Variants in RELN observed in about 807,000 individuals in gnomAD.
RELN encodes reelin.
A neutral mutation model predicts 427.6 loss-of-function variants in RELN; 108 were observed. The observed-to-expected ratio is 0.25, with a 90% confidence interval of 0.22 to 0.30. RELN has a LOEUF of 0.30. Among genes scored for constraint, RELN ranks in the 10% least tolerant of loss-of-function variants. The pLI is 1.00. For missense variants in RELN, 3,715 were observed against 4,302.8 expected, an observed-to-expected ratio of 0.86 and a Z score of 3.82; for synonymous variants, 1,524 against 1,513.4, an observed-to-expected ratio of 1.01 and a Z score of -0.16.
chr7:103,901,436 A>C (rs3898842), intron 2 of RELN, among the ~76,000 whole-genome samples: 52,989 of 151,840 alleles, frequency 0.35, 9,702 homozygotes, highest in East Asian at 0.67. Flanking sequence ...AGATGTTCAC[A>C]CAAAAACTTG....
At chr7:103,755,614 A>T (rs9719488) in intron 4 of RELN, among the ~76,000 whole-genome samples, 79,303 of 139,804 alleles carry the variant, frequency 0.57, 22,835 homozygotes, top group Non-Finnish European at 0.6. Context: ...TCTCAAAAAA[A>T]AAATAAAAAA....
At chr7:103,614,606 C>G (rs1296999640) in intron 20 of RELN, among the ~76,000 whole-genome samples, 1 of 149,914 alleles carries the variant, frequency 6.7e-6, no homozygotes, top group Non-Finnish European at 1.5e-5. Context: ...AGCCTGGGTC[C>G]CCAGTGTCCT....
At chr7:103,886,755 A>G (rs1253757877) in intron 2 of RELN, among the ~76,000 whole-genome samples, 2 of 152,202 alleles carry the variant, frequency 1.3e-5, no homozygotes, top group East Asian at 1.9e-4. Flanking sequence ...CAGCCAATGT[A>G]AGAATGTATC....
chr7:103,516,286 CT>C (rs3051646), intron 49 of RELN, among the ~76,000 whole-genome samples: 182 of 141,100 alleles, frequency 1.3e-3, no homozygotes, highest in Non-Finnish European at 1.4e-3. Context: ...CACAAAGTAT[CT>C]TTTTTTTTTT....
At chr7:103,699,033 A>G (rs2115786829) in intron 9 of RELN, among the ~76,000 whole-genome samples, 1 of 152,294 alleles carries the variant, frequency 6.6e-6, no homozygotes, top group Admixed American at 6.5e-5. Flanking sequence ...AACATGATAT[A>G]ACATGATTTT....
chr7:103,734,490 T>C (rs955598210), intron 6 of RELN, among the ~76,000 whole-genome samples: 1 of 152,190 alleles, frequency 6.6e-6, no homozygotes, highest in Non-Finnish European at 1.5e-5. Context: ...ATGAACAATA[T>C]GATTAAAAGA....
intron 48 of RELN, among the ~76,000 whole-genome samples, chr7:103,520,542 C>T (rs1240124041): frequency 6.6e-6 from 1 of 152,102 alleles, no homozygotes; most frequent in Non-Finnish European, 1.5e-5. Flanking sequence ...TCCCAAAGTG[C>T]TGGGATTACA....
rs947175662 is a variant in RELN, at chr7:103,603,595, T to C, written c.3147-105A>G. On this transcript the variant is annotated intron_variant, in intron 23 of 64. Coordinates refer to ENST00000428762, the MANE Select transcript of RELN (RefSeq NM_005045.4). This position sits in a 1 kb window ranked among gnomAD's most constrained non-coding sequence, Gnocchi z 4.3. Reference sequence around the variant, plus strand: ...ATGTCTTACTTTTGCTCAGGTCTTATCATTCACACTAGATTCTTCCCTACA... The same window carrying C: ...ATGTCTTACTTTTGCTCAGGTCTTACCATTCACACTAGATTCTTCCCTACA... 3.5e-6 allele frequency: 3 copies of C among 856,162 alleles called. No homozygotes were observed. The Admixed American group carries it at 5.6e-5, about 16-fold the overall frequency. The allele number at this position is 856,162 out of a possible 1,614,324, so 53.0% of individuals were successfully genotyped here.
chr7:103,615,726 CTGTGT>C (rs1169210715), intron 20 of RELN, among the ~76,000 whole-genome samples: 1 of 152,090 alleles, frequency 6.6e-6, no homozygotes, highest in Non-Finnish European at 1.5e-5. Flanking sequence ...CTACTATGTC[CTGTGT>C]ATCAAAGGCT....
chr7:103,507,172 C>T (rs1366950462), intron 51 of RELN, among the ~76,000 whole-genome samples: 1 of 152,132 alleles, frequency 6.6e-6, no homozygotes, highest in East Asian at 1.9e-4. Context: ...CACCTCTGGA[C>T]CAAGCGGACC....
At chr7:103,944,788 A>G (rs4729941) in intron 1 of RELN, among the ~76,000 whole-genome samples, 119,890 of 152,004 alleles carry the variant, frequency 0.79, 47,656 homozygotes, top group African/African-American at 0.82. Context: ...ACTGGGATGT[A>G]AGTAAAGAAA....
chr7:103,646,199 T>C (rs1023862399), intron 16 of RELN, among the ~76,000 whole-genome samples: 4 of 151,400 alleles, frequency 2.6e-5, no homozygotes, highest in Non-Finnish European at 5.9e-5. Context: ...AACATAATAT[T>C]GCACCTCAGG....
At chr7:103,520,954 G>GTTGTTTTT (rs1462369530) in intron 48 of RELN, among the ~76,000 whole-genome samples, 1 of 78,190 alleles carries the variant, frequency 1.3e-5, no homozygotes, top group African/African-American at 5.0e-5. Context: ...CAGTAAATTT[G>GTTGTTTTT]TTATTTTTTT....
At position 103,640,907 on chromosome 7, in the gene RELN, C is replaced by A. The variant is rs362704; in HGVS notation, c.2003-298G>T. Among the ~76,000 whole-genome samples, 6,099 of 152,218 alleles carry A rather than the reference C, an allele frequency of 0.04. 165 individuals are homozygous for A. Among genetic ancestry groups the A allele is most frequent in the East Asian group, 0.14 (714 of 5,180 alleles). ...ACAATATTAGCGCTTCTGCCTTGAA[C>A]ATTCTACAAAGTTTATTTTCATTAG... is the stretch of plus-strand genomic sequence containing the variant. On this transcript the variant is annotated intron_variant, in intron 16 of 64. Transcript: ENST00000428762. This position sits in a 1 kb window ranked among gnomAD's most constrained non-coding sequence, Gnocchi z 4.1.
chr7:103,751,374 C>A (rs1790995350), intron 5 of RELN, among the ~76,000 whole-genome samples: 1 of 152,190 alleles, frequency 6.6e-6, no homozygotes, highest in Admixed American at 6.5e-5. Flanking sequence ...GTGACATCCC[C>A]AGCCATGGCA....
intron 4 of RELN, among the ~76,000 whole-genome samples, chr7:103,768,595 A>G (rs1203394713): frequency 1.3e-5 from 2 of 152,328 alleles, no homozygotes; most frequent in East Asian, 3.9e-4. Flanking sequence ...TGATTTTTCA[A>G]TTGTAAAATG....
At chr7:103,873,971 A>G (rs1794415020) in intron 2 of RELN, among the ~76,000 whole-genome samples, 1 of 143,120 alleles carries the variant, frequency 7.0e-6, no homozygotes, top group Admixed American at 7.1e-5. Context: ...AATACTGGCA[A>G]ACCGAATCCA....
intron 6 of RELN, among the ~76,000 whole-genome samples, chr7:103,736,812 C>G (rs928525238): frequency 3.3e-5 from 5 of 152,140 alleles, no homozygotes; most frequent in Non-Finnish European, 7.3e-5. Flanking sequence ...TAATAAACCT[C>G]TAGATTCACA....
At chr7:103,517,661 A>T (rs952254062) in intron 49 of RELN, among the ~76,000 whole-genome samples, 3 of 152,240 alleles carry the variant, frequency 2.0e-5, no homozygotes, top group Non-Finnish European at 1.5e-5. Context: ...TCCTACTAAC[A>T]GTTGAGCACA....
Sources: gnomAD v4.1 joint callset for allele counts (sites outside exome capture counted in the v4.1 genomes callset) on GRCh38, gnomAD v4.1.1 for gene constraint, Gnocchi (gnomAD v3.1) non-coding constraint, MANE v1.5 for transcripts, NCBI Gene and HGNC (gene_info 2026-07-23, HGNC 2026-07-21) for gene names.